TAFA1: variants seen among roughly 807,000 people sequenced by gnomAD.
TAFA1 encodes the protein chemokine-like protein TAFA-1.
Under a neutral mutation model 18.5 loss-of-function variants are expected in TAFA1, and 4 were observed. The observed-to-expected ratio is 0.22, with a 90% CI of 0.11 to 0.49. The LOEUF (loss-of-function observed/expected upper bound fraction) is 0.49, where lower values mean the gene tolerates loss of function less well. Among genes scored for constraint, TAFA1 ranks in the 20% least tolerant of loss-of-function variants. The pLI, the probability that TAFA1 is intolerant of heterozygous loss-of-function variation, is 0.98. For synonymous variants in TAFA1, 56 were observed against 55.2 expected (o/e 1.01, Z -0.06); for missense variants, 147 against 169.0 (o/e 0.87, Z 0.72).
At position 68,121,632 on chromosome 3, in the gene TAFA1, AT is replaced by A. The variant is rs199774278; in HGVS notation, c.118+114890del. 7.8e-3 allele frequency among the ~76,000 whole-genome samples: 1,192 copies of A among 152,202 alleles called. 15 individuals are homozygous for A. Among genetic ancestry groups the A allele is most frequent in the African/African-American group, 0.027 (1,127 of 41,534 alleles). On this transcript the variant is annotated intron_variant, in intron 2 of 4. Transcript: ENST00000478136. ...TAATTCAATAACATGAGTTTTTCTA[AT>A]TCTTTTAAAATTATGTAGTGTTCAT...
intron 3 of TAFA1, among the ~76,000 whole-genome samples, chr3:68,431,363 T>G (rs982962508): frequency 6.6e-6 from 1 of 152,018 alleles, no homozygotes; most frequent in Non-Finnish European, 1.5e-5. Context: ...TATGCAAGAA[T>G]TATAACAACT....
At chr3:68,082,011 C>T (rs533707273) in intron 2 of TAFA1, among the ~76,000 whole-genome samples, 2 of 152,190 alleles carry the variant, frequency 1.3e-5, no homozygotes, top group Non-Finnish European at 2.9e-5. Flanking sequence ...GATATAATCT[C>T]GTGGTGCGCT....
At chr3:68,494,000 T>C (rs376884958) in intron 3 of TAFA1, among the ~76,000 whole-genome samples, 1 of 152,206 alleles carries the variant, frequency 6.6e-6, no homozygotes, top group African/African-American at 2.4e-5. Context: ...ATAATCATGG[T>C]CTTAATCTTT....
intron 2 of TAFA1, among the ~76,000 whole-genome samples, chr3:68,164,231 T>C (rs986889147): frequency 2.0e-5 from 3 of 152,164 alleles, no homozygotes; most frequent in African/African-American, 7.2e-5. Context: ...TCACTCAGAG[T>C]AGAAACTTCA....
At chr3:68,495,868 C>T (rs1000179300) in intron 3 of TAFA1, among the ~76,000 whole-genome samples, 1 of 152,068 alleles carries the variant, frequency 6.6e-6, no homozygotes, top group Non-Finnish European at 1.5e-5. Flanking sequence ...CCTTCACAGG[C>T]TTAAAAGGAA....
At chr3:68,163,042 T>C (rs2065944268) in intron 2 of TAFA1, among the ~76,000 whole-genome samples, 2 of 152,242 alleles carry the variant, frequency 1.3e-5, no homozygotes, top group South Asian at 4.1e-4. Flanking sequence ...GTCAAGACTT[T>C]TAATTTCTAT....
chr3:68,318,941 A>T (rs2068651927), intron 2 of TAFA1, among the ~76,000 whole-genome samples: 1 of 151,964 alleles, frequency 6.6e-6, no homozygotes, highest in Non-Finnish European at 1.5e-5. Flanking sequence ...ATAAACATCC[A>T]TTTTTTTTAA....
intron 3 of TAFA1, among the ~76,000 whole-genome samples, chr3:68,421,599 G>A (rs375371156): frequency 2.0e-4 from 31 of 151,608 alleles, no homozygotes; most frequent in Admixed American, 3.9e-4. Flanking sequence ...CAGCTTCCTC[G>A]TCTTTATTTT....
intron 2 of TAFA1, among the ~76,000 whole-genome samples, chr3:68,173,885 GGT>G (rs1559547250): frequency 1.8e-5 from 2 of 110,658 alleles, no homozygotes; most frequent in African/African-American, 6.7e-5. Context: ...CAAATAACAG[GGT>G]TATAGGATAT....
At chr3:68,256,746 G>A (rs919966055) in intron 2 of TAFA1, among the ~76,000 whole-genome samples, 3 of 152,058 alleles carry the variant, frequency 2.0e-5, no homozygotes, top group African/African-American at 7.2e-5. Flanking sequence ...AAATCAGTCA[G>A]GTAATTGGGA....
chr3:68,023,564 C>T (rs1296511087), intron 2 of TAFA1, among the ~76,000 whole-genome samples: 1 of 152,046 alleles, frequency 6.6e-6, no homozygotes, highest in Non-Finnish European at 1.5e-5. Flanking sequence ...CACAAAATAC[C>T]TTAGTGGTTA....
At chr3:68,021,666 G>A (rs1360717775) in intron 2 of TAFA1, among the ~76,000 whole-genome samples, 1 of 152,084 alleles carries the variant, frequency 6.6e-6, no homozygotes, top group Admixed American at 6.6e-5. Context: ...AACTAACAAG[G>A]TGTGTACTAT....
intron 3 of TAFA1, among the ~76,000 whole-genome samples, chr3:68,437,634 G>A (rs1324423899): frequency 6.6e-6 from 1 of 151,994 alleles, no homozygotes; most frequent in Non-Finnish European, 1.5e-5. Context: ...GAAAACCCAT[G>A]AATCCATTAA....
At chr3:68,009,204 C>G (rs1430417129) in intron 2 of TAFA1, among the ~76,000 whole-genome samples, 1 of 152,102 alleles carries the variant, frequency 6.6e-6, no homozygotes, top group Admixed American at 6.5e-5. Flanking sequence ...TTATTTTACT[C>G]TGTGCGTATA....
chr3:68,335,189 T>G (rs557761137), intron 2 of TAFA1, among the ~76,000 whole-genome samples: 1 of 152,234 alleles, frequency 6.6e-6, no homozygotes, highest in Non-Finnish European at 1.5e-5. Context: ...TAGGATAAGC[T>G]AATAATTCTT....
intron 2 of TAFA1, among the ~76,000 whole-genome samples, chr3:68,093,134 G>A (rs1186242098): frequency 4.6e-5 from 7 of 152,112 alleles, no homozygotes; most frequent in Non-Finnish European, 8.8e-5. Flanking sequence ...TGTACTCTCA[G>A]TGTTGGAGGA....
chr3:68,032,462 G>A (rs1489865419), intron 2 of TAFA1, among the ~76,000 whole-genome samples: 1 of 152,044 alleles, frequency 6.6e-6, no homozygotes, highest in Non-Finnish European at 1.5e-5. Flanking sequence ...CACTGTGATG[G>A]CAAAAATTTT....
intron 2 of TAFA1, among the ~76,000 whole-genome samples, chr3:68,174,923 A>G (rs1470492768): frequency 2.6e-5 from 4 of 152,074 alleles, no homozygotes. Context: ...AGTGAGCTGA[A>G]CCCAGGGTTC....
chr3:68,435,037 G>A (rs900691863), intron 3 of TAFA1, among the ~76,000 whole-genome samples: 1 of 152,102 alleles, frequency 6.6e-6, no homozygotes, highest in African/African-American at 2.4e-5. Flanking sequence ...TGATTGCAAA[G>A]TTGTGTGATG....
Sources: allele counts gnomAD v4.1 joint callset (sites outside exome capture counted in the v4.1 genomes callset), GRCh38; gene constraint gnomAD v4.1.1; transcripts MANE v1.5; gene names NCBI Gene and HGNC (gene_info 2026-07-23, HGNC 2026-07-21).